CSMD1: variants seen among roughly 807,000 people sequenced by gnomAD.
CSMD1 encodes CUB and sushi domain-containing protein 1.
CSMD1 carries 213 observed loss-of-function variants against 417.5 expected under a neutral mutation model. The observed-to-expected ratio is 0.51, with a 90% CI of 0.46 to 0.57. CSMD1 has a LOEUF of 0.57. CSMD1 is among the 20% of genes least tolerant of loss of function. CSMD1 has a pLI of 0.00. For missense variants in CSMD1, 6,923 were observed against 4,529.7 expected (o/e 1.53, Z -15.17); for synonymous variants, 2,862 against 1,736.8 (o/e 1.65, Z -16.11).
At chr8:3,921,561 G>C (rs1423365480) in intron 5 of CSMD1, among the ~76,000 whole-genome samples, 2 of 151,602 alleles carry the variant, frequency 1.3e-5, no homozygotes, top group Non-Finnish European at 1.5e-5. Context: ...AACCACTTTT[G>C]CTTCATCTAT....
chr8:4,367,048 A>G (rs1802115982), intron 3 of CSMD1, among the ~76,000 whole-genome samples: 1 of 152,148 alleles, frequency 6.6e-6, no homozygotes, highest in African/African-American at 2.4e-5. Flanking sequence ...TTCTTAGTTT[A>G]ATAGGTCCCA....
chr8:3,528,948 A>G lies in CSMD1; in HGVS notation c.1345-35222T>C, dbSNP rs1289864243. Among the ~76,000 whole-genome samples, 5 of 152,342 alleles carry G rather than the reference A, an allele frequency of 3.3e-5. No individual in the cohort carries two copies. In the East Asian group the frequency reaches 7.7e-4, roughly 23 times the overall value. On this transcript the variant is annotated intron_variant, in intron 10 of 69. Coordinates refer to ENST00000635120, the MANE Select transcript of CSMD1 (RefSeq NM_033225.6). Reference sequence around the variant, plus strand: ...AATAATATAATCCTTAGATAATTACATGCCAGTGAAAAGTATGACAGTTGA... The same window carrying G: ...AATAATATAATCCTTAGATAATTACGTGCCAGTGAAAAGTATGACAGTTGA...
chr8:3,295,640 T>G (rs1003106674), intron 25 of CSMD1, among the ~76,000 whole-genome samples: 4 of 152,194 alleles, frequency 2.6e-5, no homozygotes, highest in Admixed American at 6.5e-5. Flanking sequence ...TAAAGCAGAT[T>G]TGCTAACTCG....
chr8:3,818,882 C>T (rs1285704265), intron 5 of CSMD1, among the ~76,000 whole-genome samples: 1 of 152,164 alleles, frequency 6.6e-6, no homozygotes, highest in African/African-American at 2.4e-5. Context: ...ACACTTCCTT[C>T]CTGCAAACTT....
At chr8:3,276,375 G>A (rs1385989985) in intron 26 of CSMD1, among the ~76,000 whole-genome samples, 2 of 152,140 alleles carry the variant, frequency 1.3e-5, no homozygotes, top group Non-Finnish European at 2.9e-5. Context: ...GTTCACGCTG[G>A]GAGCTGTAGA....
intron 3 of CSMD1, among the ~76,000 whole-genome samples, chr8:4,203,519 G>A (rs1306492088): frequency 9.2e-5 from 14 of 152,156 alleles, no homozygotes; most frequent in Non-Finnish European, 1.5e-5. Context: ...GACTTTCTGT[G>A]AATCCAAGTA....
At chr8:2,966,503 A>AT (rs200859942) in intron 58 of CSMD1, 67 bp downstream of exon 58, 17,120 of 1,454,374 alleles carry the variant, frequency 0.012, 114 homozygotes, top group Middle Eastern at 0.028. Flanking sequence ...CCTTAAAGTC[A>AT]TTTTTTTTCC....
chr8:3,914,015 C>G (rs1808636353), intron 5 of CSMD1, among the ~76,000 whole-genome samples: 1 of 152,056 alleles, frequency 6.6e-6, no homozygotes, highest in Non-Finnish European at 1.5e-5. Flanking sequence ...ATTCTTGAAA[C>G]CCTTCTCTAT....
chr8:4,412,163 A>G (rs1318207371), intron 3 of CSMD1, among the ~76,000 whole-genome samples: 1 of 152,144 alleles, frequency 6.6e-6, no homozygotes, highest in Non-Finnish European at 1.5e-5. Context: ...TGCCTCTGAT[A>G]TAGTTCGGAT....
intron 8 of CSMD1, among the ~76,000 whole-genome samples, chr8:3,599,057 GGT>G (rs1374201452): frequency 6.6e-6 from 1 of 151,752 alleles, no homozygotes; most frequent in Non-Finnish European, 1.5e-5. Flanking sequence ...CTCCAGCCTG[GGT>G]GTCAGAGCAA....
At chr8:3,353,886 G>C (rs1360993863) in intron 21 of CSMD1, among the ~76,000 whole-genome samples, 3 of 152,110 alleles carry the variant, frequency 2.0e-5, no homozygotes, top group African/African-American at 7.2e-5. Context: ...AATTAACACA[G>C]AAGAAAGGAG....
chr8:3,904,455 T>C (rs1807972797), intron 5 of CSMD1, among the ~76,000 whole-genome samples: 3 of 152,142 alleles, frequency 2.0e-5, no homozygotes. Context: ...TCCCAGAGAT[T>C]TCAGTAAATG....
At chr8:3,020,190 T>A (rs1051181688) in intron 51 of CSMD1, among the ~76,000 whole-genome samples, 1 of 152,210 alleles carries the variant, frequency 6.6e-6, no homozygotes, top group Non-Finnish European at 1.5e-5. Flanking sequence ...TGCATAGGCT[T>A]GTGCATTAGA....
At chr8:3,204,541 C>T (rs543847160) in intron 31 of CSMD1, among the ~76,000 whole-genome samples, 2 of 152,228 alleles carry the variant, frequency 1.3e-5, no homozygotes, top group South Asian at 2.1e-4. Flanking sequence ...ACAAAGGGAA[C>T]AGCAAGGTTT....
intron 1 of CSMD1, among the ~76,000 whole-genome samples, chr8:4,682,503 A>C (rs547186872): frequency 2.0e-5 from 3 of 152,302 alleles, no homozygotes; most frequent in African/African-American, 7.2e-5. Flanking sequence ...AGATACAGGA[A>C]AAAGAATGTT....
In CSMD1 at chr8:3,952,262, G is replaced by C. The variant is rs1206882745; in HGVS notation, c.818+45641C>G. ...GGGCCTTCCTCACTCTTATTCTCCT[G>C]AGCACACAGTAAATACTTCTAGAGG... On this transcript the variant is annotated intron_variant, in intron 5 of 69. Coordinates refer to ENST00000635120, the MANE Select transcript of CSMD1 (RefSeq NM_033225.6). Among the ~76,000 whole-genome samples, 3 of 152,178 alleles carry C rather than the reference G, an allele frequency of 2.0e-5. No homozygotes were observed. The East Asian group carries it at 5.8e-4, about 29-fold the overall frequency.
At chr8:3,286,207 T>C (rs1160214503) in intron 25 of CSMD1, among the ~76,000 whole-genome samples, 3 of 152,214 alleles carry the variant, frequency 2.0e-5, no homozygotes, top group Non-Finnish European at 4.4e-5. Context: ...GTGCTACAAT[T>C]TCTTAATCCA....
intron 3 of CSMD1, among the ~76,000 whole-genome samples, chr8:4,174,163 C>G (rs1214625155): frequency 6.6e-6 from 1 of 152,176 alleles, no homozygotes; most frequent in East Asian, 1.9e-4. Context: ...GTGGCTGCCC[C>G]TAGAGGAGAA....
chr8:3,220,691 C>T lies in CSMD1; in HGVS notation c.4485-1249G>A, dbSNP rs1227970594. 4.6e-5 allele frequency among the ~76,000 whole-genome samples: 7 copies of T among 152,106 alleles called. No homozygotes were observed. The East Asian group carries it at 1.2e-3, about 25-fold the overall frequency. ...ACTAAAAATACAAAAATTAGCAGAG[C>T]ATGGTGTCGTGCACCTGTAGTCCCA... On this transcript the variant is annotated intron_variant, in intron 28 of 69. Coordinates refer to ENST00000635120, the MANE Select transcript of CSMD1 (RefSeq NM_033225.6).
Sources: allele counts gnomAD v4.1 joint callset (sites outside exome capture counted in the v4.1 genomes callset), GRCh38; gene constraint gnomAD v4.1.1; transcripts MANE v1.5; gene names NCBI Gene and HGNC (gene_info 2026-07-23, HGNC 2026-07-21).